AKR1B15: variants seen among roughly 807,000 people sequenced by gnomAD.
AKR1B15 encodes the protein estradiol 17-beta-dehydrogenase AKR1B15.
In AKR1B15, 49 loss-of-function variants were observed where a neutral mutation model predicts 38.5. The observed-to-expected ratio is 1.27, with a 90% CI of 1.01 to 1.62. The LOEUF (loss-of-function observed/expected upper bound fraction) is 1.62. Ranked by LOEUF, AKR1B15 falls within the 40% of genes most tolerant of loss-of-function variation. The probability of loss-of-function intolerance (pLI) is 0.00; values close to 1 mark genes in which losing one functional copy is unlikely to be tolerated. For missense variants in AKR1B15, 411 were observed against 381.6 expected (o/e 1.08, Z -0.64); for synonymous variants, 137 against 135.5 (o/e 1.01, Z -0.08).
At chr7:134,551,012 G>A (rs895634890) in intron 1 of AKR1B15, among the ~76,000 whole-genome samples, 2 of 152,162 alleles carry the variant, frequency 1.3e-5, no homozygotes, top group African/African-American at 4.8e-5. Context: ...CTCCACTCGT[G>A]ATAAAACTCT....
chr7:134,575,614 A>G (rs1234749530), intron 7 of AKR1B15, 72 bp downstream of exon 7: 18 of 1,599,842 alleles, frequency 1.1e-5, no homozygotes, highest in Middle Eastern at 1.7e-4. Context: ...GGAATGTTCA[A>G]TGCTATGCCC....
intron 11 of AKR1B15, among the ~76,000 whole-genome samples, chr7:134,578,687 A>G (rs1446005810): frequency 6.6e-6 from 1 of 152,230 alleles, no homozygotes; most frequent in Admixed American, 6.5e-5. Flanking sequence ...TGTAGCCAAA[A>G]ATGATTTTTC....
chr7:134,569,666 C>T, intron 5 of AKR1B15, 137 bp downstream of exon 5: 3 of 860,926 alleles, frequency 3.5e-6, no homozygotes, highest in Non-Finnish European at 5.4e-6. Context: ...CTTAATTCCC[C>T]ACATTAATGT....
At chr7:134,556,612 G>T (rs1331553180) in intron 1 of AKR1B15, 124 bp from the exon 2 acceptor site, 1 of 152,130 alleles carries the variant, frequency 6.6e-6, no homozygotes, top group Non-Finnish European at 1.5e-5. Flanking sequence ...GGCCTCACTC[G>T]CTGCATCAAT....
At chr7:134,552,209 C>G (rs180684346) in intron 1 of AKR1B15, among the ~76,000 whole-genome samples, 5 of 152,268 alleles carry the variant, frequency 3.3e-5, no homozygotes, top group African/African-American at 1.2e-4. Flanking sequence ...CTACAGGCGT[C>G]CATCTCCTTC....
rs1040161892 is a variant in AKR1B15 at position 134,559,772 on chromosome 7, A to G, written c.-23+2913A>G. ...TGGTAAATTCATGAAGCTAGAAAGT[A>G]GCTAATCAAAGTTCTTATTAAACCT... is the stretch of plus-strand genomic sequence containing the variant. On this transcript the variant is annotated intron_variant, in intron 2 of 11. Transcript: ENST00000457545. Among the ~76,000 whole-genome samples, 32 of 152,222 alleles carry G rather than the reference A, an allele frequency of 2.1e-4. 1 individual carries two copies. Among genetic ancestry groups the G allele is most frequent in the Admixed American group, 7.9e-4 (12 of 15,284 alleles).
Position 134,575,496 on chromosome 7 carries a change from G to A in AKR1B15, c.590G>A (p.Arg197Lys), listed in dbSNP as rs4035286. 3.2e-5 allele frequency: 51 copies of A among 1,613,634 alleles called. No individual in the cohort carries two copies. The Middle Eastern group carries it at 4.9e-4, about 16-fold the overall frequency. Residue 197 changes from arginine to lysine, a missense_variant, in exon 7 of 12, where the codon AGG (arginine) becomes AAG (lysine). Arg to Lys is a conservative substitution (Grantham distance 26, BLOSUM62 2). This residue lies in a region of AKR1B15 where 254 missense variants were observed against 212.4 expected (regional missense o/e 1.20). Coordinates refer to ENST00000457545, the MANE Select transcript of AKR1B15 (RefSeq NM_001080538.3). ...VSNFNHFQIE[R>K]LLNKPGLKYK... ...AATTTCAACCACTTCCAGATCGAGA[G>A]GCTCTTGAACAAACCTGGACTGAAA...
chr7:134,565,865 G>A (rs1244689569), intron 3 of AKR1B15, among the ~76,000 whole-genome samples: 5 of 152,150 alleles, frequency 3.3e-5, no homozygotes, highest in African/African-American at 1.2e-4. Context: ...GGTTTCCCCA[G>A]AGTCTTGGCT....
intron 6 of AKR1B15, among the ~76,000 whole-genome samples, chr7:134,573,122 C>T (rs1247389955): frequency 6.6e-6 from 1 of 152,198 alleles, no homozygotes; most frequent in Non-Finnish European, 1.5e-5. Flanking sequence ...CCTCCCTCTA[C>T]CAAGTAAAAA....
At chr7:134,559,251 A>G (rs1010869858) in intron 2 of AKR1B15, among the ~76,000 whole-genome samples, 2 of 152,196 alleles carry the variant, frequency 1.3e-5, no homozygotes, top group Non-Finnish European at 2.9e-5. Flanking sequence ...GCCCATGTTG[A>G]TAAGTGTCTA....
At position 134,568,166 on chromosome 7, in the gene AKR1B15, CGGCAAAGT is replaced by C. The variant is rs1174112187; in HGVS notation, c.161_168del (p.Gly54GlufsTer9). ...TTTCTTTTGCTTTTCAGTCTCTTCT[CGGCAAAGT>C]GAAAGAAGCGGTGAAGGTGGCCATT... On this transcript the variant is annotated frameshift_variant, in exon 4 of 12. Transcript: ENST00000457545. LOFTEE classifies it high-confidence loss of function. 1.2e-6 allele frequency: 2 copies of C among 1,613,982 alleles called. No homozygotes were observed. Among genetic ancestry groups the C allele is most frequent in the Non-Finnish European group, 8.5e-7 (1 of 1,179,954 alleles).
chr7:134,575,363 G>C, intron 6 of AKR1B15, 57 bp from the exon 7 acceptor site: 1 of 1,579,666 alleles, frequency 6.3e-7, no homozygotes, highest in Non-Finnish European at 8.6e-7. Context: ...ACTAAGGCAA[G>C]CCAGGGTCCC....
In AKR1B15 at chr7:134,562,827, C is replaced by CCTTTCTCTTTCTTTCTTT. The variant is rs1175836166; in HGVS notation, c.-22-1764_-22-1747dup. Among the ~76,000 whole-genome samples the CCTTTCTCTTTCTTTCTTT allele has an allele frequency of 5.8e-5, 8 of 138,316 alleles. No individual in the cohort carries two copies. The Admixed American group carries it at 6.1e-4, about 10-fold the overall frequency. 90.7% of individuals were successfully genotyped at this position (138,316 alleles called of 152,430 possible). On this transcript the variant is annotated intron_variant, in intron 2 of 11. Transcript: ENST00000457545. ...TCCTTCCTTCCTTTCTTCCTTCCTTCCTTTCTCTTTCTTTCTTTCTTTCTT... is the reference window on the plus strand; with the variant it reads ...TCCTTCCTTCCTTTCTTCCTTCCTTCCTTTCTCTTTCTTTCTTTCTTTCTCTTTCTTTCTTTCTTTCTT...
intron 4 of AKR1B15, 45 bp downstream of exon 4, chr7:134,568,370 C>G (rs1585806456): frequency 5.0e-6 from 8 of 1,607,412 alleles, no homozygotes; most frequent in Non-Finnish European, 6.8e-6. Flanking sequence ...TCAAGGCAGG[C>G]AGAAGTATCT....
chr7:134,579,086 C>A (rs1373387653), intron 11 of AKR1B15, among the ~76,000 whole-genome samples: 1 of 152,208 alleles, frequency 6.6e-6, no homozygotes, highest in African/African-American at 2.4e-5. Context: ...TCGCAGCTAA[C>A]ATCCATTGAA....
At chr7:134,564,482 C>T (rs1794488380) in intron 2 of AKR1B15, 116 bp from the exon 3 acceptor site, 4 of 499,088 alleles carry the variant, frequency 8.0e-6, no homozygotes, top group Non-Finnish European at 1.4e-5. Context: ...TTACACCAAC[C>T]TCTGGAGTTG....
Sources: allele counts gnomAD v4.1 joint callset (sites outside exome capture counted in the v4.1 genomes callset), GRCh38; gene constraint gnomAD v4.1.1; regional missense constraint gnomAD v4.1.1; transcripts MANE v1.5; gene names NCBI Gene and HGNC (gene_info 2026-07-23, HGNC 2026-07-21).